Variants in AXIN1 observed in about 807,000 individuals in gnomAD.
AXIN1 encodes the protein axin 1.
Under a neutral mutation model 76.4 loss-of-function variants are expected in AXIN1, and 30 were observed. The observed-to-expected ratio is 0.39, with a 90% CI of 0.29 to 0.53. The LOEUF (loss-of-function observed/expected upper bound fraction) is 0.53. Ranked by LOEUF, AXIN1 falls within the 20% of genes least tolerant of loss-of-function variation. The pLI is 0.66. For missense variants in AXIN1, 1,140 were observed against 1,198.8 expected (o/e 0.95, Z 0.72); for synonymous variants, 545 against 501.4 (o/e 1.09, Z -1.16).
At chr16:314,726 C>A (rs779567064) in intron 2 of AXIN1, 43 bp from the exon 3 acceptor site, 3 of 1,610,206 alleles carry the variant, frequency 1.9e-6, no homozygotes, top group South Asian at 1.1e-5. Context: ...AGCCTGCCAA[C>A]AGCCTCTCAT....
At position 341,026 on chromosome 16, in the gene AXIN1, G is replaced by A. The variant is rs73488163; in HGVS notation, c.878+5122C>T. Reference sequence around the variant, plus strand: ...GGCAAAGTAGCCTCCAGGACAGAGGGGTCAGCACCCGAGGGCTGGCCCTCC... The same window carrying A: ...GGCAAAGTAGCCTCCAGGACAGAGGAGTCAGCACCCGAGGGCTGGCCCTCC... On this transcript the variant is annotated intron_variant, in intron 2 of 10. Coordinates refer to ENST00000262320, the MANE Select transcript of AXIN1 (RefSeq NM_003502.4). 5.2e-3 allele frequency among the ~76,000 whole-genome samples: 789 copies of A among 152,346 alleles called. 8 individuals carry two copies. Among genetic ancestry groups the A allele is most frequent in the African/African-American group, 0.017 (721 of 41,582 alleles).
intron 1 of AXIN1, among the ~76,000 whole-genome samples, chr16:349,946 G>C (rs557053689): frequency 3.3e-5 from 5 of 152,108 alleles, no homozygotes; most frequent in Admixed American, 6.6e-5. Flanking sequence ...CTACAGGCAC[G>C]AGTCATCAAC....
intron 2 of AXIN1, among the ~76,000 whole-genome samples, chr16:332,663 C>CAAA (rs34523667): frequency 1.1e-4 from 12 of 113,764 alleles, no homozygotes; most frequent in African/African-American, 2.5e-4. Context: ...TGATCTAAAC[C>CAAA]AAAAAAAAAA....
chr16:343,223 T>A (rs2141690448), intron 2 of AXIN1, among the ~76,000 whole-genome samples: 1 of 152,314 alleles, frequency 6.6e-6, no homozygotes, highest in African/African-American at 2.4e-5. Flanking sequence ...TGTATCCCAC[T>A]AATTTCATAG....
chr16:287,974 TG>T lies in AXIN1; in HGVS notation c.*147del, dbSNP rs2052431218. 5 of 1,374,788 alleles carry T rather than the reference TG, an allele frequency of 3.6e-6. No individual in the cohort carries two copies. Among genetic ancestry groups the T allele is most frequent in the Non-Finnish European group, 5.1e-6 (5 of 980,878 alleles). The allele number at this position is 1,374,788 out of a possible 1,614,324, so 85.2% of individuals were successfully genotyped here. ...GGACCACTTGGAGGGACCCCCTACC[TG>T]CCTCTAGACACGGGTAGACCACAGG... On this transcript the variant is annotated 3_prime_UTR_variant, in exon 11 of 11. Coordinates refer to ENST00000262320, the MANE Select transcript of AXIN1 (RefSeq NM_003502.4).
chr16:349,173 T>C (rs1241491195), intron 1 of AXIN1, among the ~76,000 whole-genome samples: 2 of 152,026 alleles, frequency 1.3e-5, no homozygotes. Flanking sequence ...TGGAGGATGG[T>C]TTGCAACTAT....
At chr16:342,194 C>T (rs1313331499) in intron 2 of AXIN1, among the ~76,000 whole-genome samples, 2 of 152,106 alleles carry the variant, frequency 1.3e-5, no homozygotes, top group Non-Finnish European at 2.9e-5. Context: ...TAACACTCAC[C>T]GCGAAGATCT....
At chr16:298,685 C>G (rs1178795743) in intron 5 of AXIN1, among the ~76,000 whole-genome samples, 8 of 151,008 alleles carry the variant, frequency 5.3e-5, no homozygotes, top group Admixed American at 5.3e-4. Context: ...TTTTTTTGTA[C>G]TTTGGGGACA....
intron 2 of AXIN1, among the ~76,000 whole-genome samples, chr16:329,972 T>G (rs1198902758): frequency 6.6e-6 from 1 of 151,912 alleles, no homozygotes; most frequent in East Asian, 1.9e-4. Context: ...TTCACCATGT[T>G]GGTCAGGCTG....
At chr16:328,184 G>C (rs1274217706) in intron 2 of AXIN1, among the ~76,000 whole-genome samples, 1 of 152,126 alleles carries the variant, frequency 6.6e-6, no homozygotes, top group Non-Finnish European at 1.5e-5. Flanking sequence ...TTGAGTCCTG[G>C]AGTTCAAGAC....
intron 2 of AXIN1, among the ~76,000 whole-genome samples, chr16:326,367 A>AT (rs1567292686): frequency 5.9e-5 from 6 of 101,510 alleles, no homozygotes; most frequent in East Asian, 4.8e-4. Flanking sequence ...AAAAAAAAAA[A>AT]AAAAAATATA....
At chr16:289,385 C>G (rs17135988) in intron 10 of AXIN1, 55 bp downstream of exon 10, 1 of 1,605,094 alleles carries the variant, frequency 6.2e-7, no homozygotes, top group South Asian at 1.1e-5. Context: ...TTTTTCATAC[C>G]GTTGGGCACC....
At chr16:317,582 G>A (rs2053333098) in intron 2 of AXIN1, among the ~76,000 whole-genome samples, 1 of 152,320 alleles carries the variant, frequency 6.6e-6, no homozygotes, top group African/African-American at 2.4e-5. Context: ...GCAACCATGG[G>A]GCCGCTCTTG....
At chr16:328,220 C>T (rs12932453) in intron 2 of AXIN1, among the ~76,000 whole-genome samples, 2,321 of 152,174 alleles carry the variant, frequency 0.015, 44 homozygotes, top group Non-Finnish European at 0.025. Flanking sequence ...GGTGAGACCT[C>T]GTCTCTGCAA....
At chr16:319,197 G>C (rs568715200) in intron 2 of AXIN1, among the ~76,000 whole-genome samples, 25 of 152,310 alleles carry the variant, frequency 1.6e-4, no homozygotes, top group African/African-American at 6.0e-4. Context: ...TTAGGGTCCG[G>C]TGTGGTGGCG....
At chr16:305,549 T>G (rs2052996741) in intron 4 of AXIN1, among the ~76,000 whole-genome samples, 1 of 151,870 alleles carries the variant, frequency 6.6e-6, no homozygotes, top group Non-Finnish European at 1.5e-5. Flanking sequence ...TGGTTTTTTT[T>G]GTTTTTGTTT....
intron 3 of AXIN1, 96 bp from the exon 4 acceptor site, chr16:310,165 G>T: frequency 1.8e-6 from 2 of 1,124,376 alleles, no homozygotes; most frequent in Non-Finnish European, 2.6e-6. Context: ...CGGTCAGCAG[G>T]CAATGATGAG....
intron 4 of AXIN1, among the ~76,000 whole-genome samples, chr16:307,136 C>T (rs1316269706): frequency 1.3e-5 from 2 of 152,124 alleles, no homozygotes; most frequent in African/African-American, 2.4e-5. Context: ...CAGACAGACG[C>T]GCTTATGGTC....
intron 2 of AXIN1, among the ~76,000 whole-genome samples, chr16:323,103 G>A (rs1004011923): frequency 1.3e-5 from 2 of 152,148 alleles, no homozygotes; most frequent in African/African-American, 4.8e-5. Context: ...GCCTAGGCAA[G>A]AGGTCAAGAC....
Sources: gnomAD v4.1 joint callset for allele counts (sites outside exome capture counted in the v4.1 genomes callset) on GRCh38, gnomAD v4.1.1 for gene constraint, MANE v1.5 for transcripts, NCBI Gene and HGNC (gene_info 2026-07-23, HGNC 2026-07-21) for gene names.